Variants in EYS observed in about 807,000 individuals in gnomAD.
EYS encodes protein eyes shut homolog.
A neutral mutation model predicts 282.1 loss-of-function variants in EYS; 250 were observed. The ratio of observed to expected loss-of-function variants is 0.89; its 90% CI spans 0.80 to 0.98. EYS has a LOEUF of 0.98. EYS is among the 50% of genes least tolerant of loss of function. The pLI, the probability that EYS is intolerant of heterozygous loss-of-function variation, is 0.00. For synonymous variants in EYS, 1,355 were observed against 1,282.9 expected, an observed-to-expected ratio of 1.06 and a Z score of -1.20; for missense variants, 4,016 against 3,709.0, an observed-to-expected ratio of 1.08 and a Z score of -2.15.
intron 26 of EYS, among the ~76,000 whole-genome samples, chr6:64,461,080 G>A (rs1775728508): frequency 6.6e-6 from 1 of 152,202 alleles, no homozygotes; most frequent in Non-Finnish European, 1.5e-5. Context: ...GCTGATGGGA[G>A]TGCTTCCTGC....
At chr6:63,735,844 A>G (rs1003707054) in intron 41 of EYS, among the ~76,000 whole-genome samples, 2 of 152,096 alleles carry the variant, frequency 1.3e-5, no homozygotes, top group Admixed American at 1.3e-4. Flanking sequence ...ACTGTTTTCC[A>G]TATTCTTGAC....
At chr6:63,964,266 T>A (rs1182317391) in intron 35 of EYS, among the ~76,000 whole-genome samples, 1 of 152,224 alleles carries the variant, frequency 6.6e-6, no homozygotes, top group East Asian at 1.9e-4. Flanking sequence ...AGAAACCCAC[T>A]GTTTCTTATG....
chr6:64,444,438 G>A (rs912141019), intron 26 of EYS, among the ~76,000 whole-genome samples: 3 of 151,962 alleles, frequency 2.0e-5, no homozygotes, highest in East Asian at 1.9e-4. Flanking sequence ...GAAATATACT[G>A]CCTGACAATA....
intron 31 of EYS, among the ~76,000 whole-genome samples, chr6:64,198,197 C>T (rs1308895149): frequency 3.4e-5 from 5 of 149,020 alleles, no homozygotes; most frequent in African/African-American, 4.9e-5. Context: ...TTAGTAGAGA[C>T]GGGGTTTCAT....
chr6:65,005,663 G>A (rs545616542), intron 13 of EYS, among the ~76,000 whole-genome samples: 1 of 147,750 alleles, frequency 6.8e-6, no homozygotes, highest in South Asian at 2.2e-4. Context: ...GGCTATCTGG[G>A]GAAGGGCTTT....
intron 33 of EYS, among the ~76,000 whole-genome samples, chr6:64,008,585 T>C (rs1424313030): frequency 6.6e-6 from 1 of 151,512 alleles, no homozygotes; most frequent in African/African-American, 2.4e-5. Context: ...TTAATTGTGT[T>C]TTTGTAGTGG....
At chr6:63,800,293 G>A (rs1395409147) in intron 37 of EYS, among the ~76,000 whole-genome samples, 1 of 152,172 alleles carries the variant, frequency 6.6e-6, no homozygotes, top group East Asian at 1.9e-4. Context: ...TTAAGTACCT[G>A]TGTTTTGCTT....
intron 22 of EYS, among the ~76,000 whole-genome samples, chr6:64,798,259 A>G (rs1007497631): frequency 2.0e-5 from 3 of 151,874 alleles, no homozygotes; most frequent in Non-Finnish European, 2.9e-5. Flanking sequence ...CAAGATTTTC[A>G]AGGTTCCTTA....
intron 19 of EYS, among the ~76,000 whole-genome samples, chr6:64,856,198 A>G (rs1766053269): frequency 1.3e-5 from 2 of 152,140 alleles, no homozygotes; most frequent in Admixed American, 6.5e-5. Context: ...CTGTCTTCCA[A>G]AATGGTTGTG....
intron 26 of EYS, among the ~76,000 whole-genome samples, chr6:64,568,083 C>A (rs556392264): frequency 6.6e-6 from 1 of 152,152 alleles, no homozygotes; most frequent in Admixed American, 6.5e-5. Context: ...GTGTACAGTA[C>A]CAGAGAAAAG....
chr6:64,475,967 C>CT (rs1776253849), intron 26 of EYS, among the ~76,000 whole-genome samples: 1 of 152,014 alleles, frequency 6.6e-6, no homozygotes. Context: ...TTTGAAATAA[C>CT]TTTTGTAGAA....
chr6:65,511,301 T>G (rs1273497687), intron 2 of EYS, among the ~76,000 whole-genome samples: 1 of 151,722 alleles, frequency 6.6e-6, no homozygotes, highest in East Asian at 1.9e-4. Context: ...CCAGAGAAAA[T>G]TATTAATTAA....
intron 29 of EYS, among the ~76,000 whole-genome samples, chr6:64,348,736 T>C (rs549798422): frequency 6.6e-6 from 1 of 151,494 alleles, no homozygotes; most frequent in East Asian, 2.0e-4. Context: ...AGGTATTTTT[T>C]CAAAGTCACA....
intron 5 of EYS, among the ~76,000 whole-genome samples, chr6:65,413,121 A>G (rs1767088989): frequency 6.6e-6 from 1 of 152,146 alleles, no homozygotes. Context: ...TGTTTATTTT[A>G]ATGGAATGTT....
At chr6:64,467,797 C>T (rs1257037729) in intron 26 of EYS, among the ~76,000 whole-genome samples, 1 of 152,104 alleles carries the variant, frequency 6.6e-6, no homozygotes, top group Non-Finnish European at 1.5e-5. Context: ...CAGCTGGCAC[C>T]TGCATGCACC....
At chr6:63,857,640 C>G (rs1360304683) in intron 36 of EYS, 3 of 445,436 alleles carry the variant, frequency 6.7e-6, no homozygotes, top group African/African-American at 2.0e-5. Flanking sequence ...TTTTCTGGAG[C>G]TGGAGACTTG....
At chr6:65,042,226 T>C (rs894403835) in intron 13 of EYS, among the ~76,000 whole-genome samples, 1 of 151,606 alleles carries the variant, frequency 6.6e-6, no homozygotes, top group African/African-American at 2.4e-5. Context: ...TCTGTCTTTC[T>C]TGCAACTTAT....
At chr6:63,752,919 G>A (rs1224951677) in intron 41 of EYS, among the ~76,000 whole-genome samples, 1 of 151,848 alleles carries the variant, frequency 6.6e-6, no homozygotes, top group East Asian at 1.9e-4. Context: ...GCAACCTGTT[G>A]TATGTTATAT....
At chr6:64,155,252 G>T (rs1000831848) in intron 31 of EYS, among the ~76,000 whole-genome samples, 1 of 152,088 alleles carries the variant, frequency 6.6e-6, no homozygotes, top group Non-Finnish European at 1.5e-5. Flanking sequence ...TTTATTTTTG[G>T]AAACACTGAC....
Sources: gnomAD v4.1 joint callset for allele counts (sites outside exome capture counted in the v4.1 genomes callset) on GRCh38, gnomAD v4.1.1 for gene constraint, MANE v1.5 for transcripts, NCBI Gene and HGNC (gene_info 2026-07-23, HGNC 2026-07-21) for gene names.